Variants in PIK3CB observed in about 807,000 individuals in gnomAD.
PIK3CB encodes the protein phosphatidylinositol 4,5-bisphosphate 3-kinase catalytic subunit beta isoform.
Under a neutral mutation model 136.8 loss-of-function variants are expected in PIK3CB, and 39 were observed. The ratio of observed to expected loss-of-function variants is 0.29; its 90% confidence interval spans 0.22 to 0.37. The LOEUF (loss-of-function observed/expected upper bound fraction) is 0.37. PIK3CB is among the 10% of genes least tolerant of loss of function. The pLI is 1.00. For synonymous variants in PIK3CB, 428 were observed against 436.6 expected (o/e 0.98, Z 0.25); for missense variants, 868 against 1,275.4 (o/e 0.68, Z 4.87).
intron 2 of PIK3CB, among the ~76,000 whole-genome samples, chr3:138,788,427 C>T (rs2046005953): frequency 6.6e-6 from 1 of 151,572 alleles, no homozygotes; most frequent in African/African-American, 2.4e-5. Context: ...AAGACCGAGG[C>T]GGGCAGATCA....
chr3:138,751,436 C>T (rs994065725), intron 4 of PIK3CB, among the ~76,000 whole-genome samples: 3 of 149,322 alleles, frequency 2.0e-5, no homozygotes, highest in Non-Finnish European at 4.4e-5. Flanking sequence ...CCAGCCTGGG[C>T]GATAGAGCGA....
intron 2 of PIK3CB, among the ~76,000 whole-genome samples, chr3:138,786,427 C>T (rs1027638375): frequency 6.6e-6 from 1 of 151,952 alleles, no homozygotes; most frequent in Admixed American, 6.6e-5. Context: ...GCGATCTTGG[C>T]TCGCTGCAAT....
chr3:138,707,979 A>G (rs902076078), intron 10 of PIK3CB, among the ~76,000 whole-genome samples: 23 of 152,152 alleles, frequency 1.5e-4, no homozygotes, highest in African/African-American at 5.1e-4. Context: ...TATTTCACAG[A>G]TAAGAAACTC....
rs2043142403 is a variant in PIK3CB, at chr3:138,652,905, T to C, written c.*2484A>G. On this transcript the variant is annotated 3_prime_UTR_variant, in exon 24 of 24. Coordinates refer to ENST00000674063, the MANE Select transcript of PIK3CB (RefSeq NM_006219.3). ...ACTCACAAAAATTAAAAATTAAGAA[T>C]TTGCATTTTTAACCAGTTCTCTCTG... The C allele has an allele frequency of 4.7e-6, 1 of 213,806 alleles. No homozygotes were observed. Among genetic ancestry groups the C allele is most frequent in the East Asian group, 7.2e-5 (1 of 13,916 alleles). The allele number at this position is 213,806 out of a possible 1,614,324, so 13.2% of individuals were successfully genotyped here. A position where few individuals can be genotyped will look rare whatever the true frequency, so the allele number is the denominator to read the frequency against.
At position 138,654,319 on chromosome 3, in the gene PIK3CB, T is replaced by C. The variant is rs964423959; in HGVS notation, c.*1070A>G. On this transcript the variant is annotated 3_prime_UTR_variant, in exon 24 of 24. Coordinates refer to ENST00000674063, the MANE Select transcript of PIK3CB (RefSeq NM_006219.3). ...CCTAGCACCCTAAATATATGGTACC[T>C]CAACAAATAACTTAAAGATTTCCGT... The C allele has an allele frequency of 4.6e-6, 1 of 218,508 alleles. No individual in the cohort carries two copies. Among genetic ancestry groups the C allele is most frequent in the African/African-American group, 2.2e-5 (1 of 44,450 alleles). The allele number at this position is 218,508 out of a possible 1,614,324, so 13.5% of individuals were successfully genotyped here. A position where few individuals can be genotyped will look rare whatever the true frequency, so the allele number is the denominator to read the frequency against.
At chr3:138,683,909 T>G (rs1577069054) in intron 17 of PIK3CB, 122 bp from the exon 18 acceptor site, 1 of 638,438 alleles carries the variant, frequency 1.6e-6, no homozygotes, top group Non-Finnish European at 2.8e-6. Flanking sequence ...TGCAGAAGAG[T>G]CAGACTTAGA....
At chr3:138,829,853 C>T (rs1933944054) in intron 1 of PIK3CB, among the ~76,000 whole-genome samples, 1 of 152,062 alleles carries the variant, frequency 6.6e-6, no homozygotes, top group Non-Finnish European at 1.5e-5. Flanking sequence ...CATGCGAACC[C>T]ATTACATTGA....
chr3:138,800,434 C>A (rs2046159093), intron 1 of PIK3CB, among the ~76,000 whole-genome samples: 1 of 151,694 alleles, frequency 6.6e-6, no homozygotes, highest in Non-Finnish European at 1.5e-5. Flanking sequence ...GGGATCCTCC[C>A]ACTTCAGCCT....
At chr3:138,728,573 C>T (rs918282477) in intron 8 of PIK3CB, among the ~76,000 whole-genome samples, 1 of 151,738 alleles carries the variant, frequency 6.6e-6, no homozygotes, top group South Asian at 2.1e-4. Flanking sequence ...GTCAGGAGAT[C>T]GAGACCATCC....
Position 138,764,491 on chromosome 3 carries a change from A to G in PIK3CB, c.-16-5132T>C, listed in dbSNP as rs58089526. On this transcript the variant is annotated intron_variant, in intron 2 of 23. Coordinates refer to ENST00000674063, the MANE Select transcript of PIK3CB (RefSeq NM_006219.3). ...AATAAAATGAATTATGAGACAGGGC[A>G]TGGCAGCTCACACCTATAATCCTAG... Among the ~76,000 whole-genome samples the G allele has an allele frequency of 8.7e-3, 1,304 of 149,200 alleles. 25 individuals carry two copies. The highest frequency in any genetic ancestry group is 0.029 in the African/African-American group (1,180 of 40,362).
At chr3:138,771,290 T>G (rs1452781929) in intron 2 of PIK3CB, among the ~76,000 whole-genome samples, 1 of 150,886 alleles carries the variant, frequency 6.6e-6, no homozygotes, top group Non-Finnish European at 1.5e-5. Flanking sequence ...TGGCGCGATC[T>G]TGGCTCACTG....
chr3:138,668,971 CAA>C (rs907041524), intron 19 of PIK3CB, among the ~76,000 whole-genome samples: 1 of 152,154 alleles, frequency 6.6e-6, no homozygotes, highest in Non-Finnish European at 1.5e-5. Context: ...ACACAATGAC[CAA>C]AGTCTGAGTA....
intron 1 of PIK3CB, among the ~76,000 whole-genome samples, chr3:138,804,161 A>T (rs2046205699): frequency 6.7e-6 from 1 of 149,580 alleles, no homozygotes; most frequent in African/African-American, 2.6e-5. Context: ...TTTTAAAAAA[A>T]GAAGAAGTAA....
chr3:138,668,241 G>T (rs2043456463), intron 19 of PIK3CB, among the ~76,000 whole-genome samples: 1 of 152,140 alleles, frequency 6.6e-6, no homozygotes, highest in Admixed American at 6.5e-5. Context: ...AACACTGCCA[G>T]GTTAAAGTGC....
chr3:138,747,936 C>T (rs562061379), intron 4 of PIK3CB, among the ~76,000 whole-genome samples: 3 of 152,076 alleles, frequency 2.0e-5, no homozygotes, highest in Non-Finnish European at 4.4e-5. Flanking sequence ...TATGATTATT[C>T]CAGTAAATAA....
chr3:138,655,487 T>G lies in PIK3CB; in HGVS notation c.3115A>C (p.Lys1039Gln). The change falls in exon 24 of 24, where the codon AAA (lysine) becomes CAA (glutamine). Residue 1039 changes from lysine to glutamine, a missense_variant. By Grantham distance (53) the Lys-to-Gln change is moderately conservative. This residue lies in a region of PIK3CB where 88 missense variants were observed against 147.8 expected (regional missense o/e 0.60). Coordinates refer to ENST00000674063, the MANE Select transcript of PIK3CB (RefSeq NM_006219.3). Reference sequence around the variant, plus strand: ...TCATCAAATTTTTGCTTAAACTGTTTGAGTGCTTCTTCTTCACTCTTCCCT... The same window carrying G: ...TCATCAAATTTTTGCTTAAACTGTTGGAGTGCTTCTTCTTCACTCTTCCCT... Reference protein sequence around the residue: ...ALGKSEEEALKQFKQKFDEAL... With the variant: ...ALGKSEEEALQQFKQKFDEAL... 1 of 1,612,932 alleles carries G rather than the reference T, an allele frequency of 6.2e-7. No individual in the cohort carries two copies. Among genetic ancestry groups the G allele is most frequent in the Non-Finnish European group, 8.5e-7 (1 of 1,178,860 alleles).
chr3:138,797,821 G>T (rs2046125458), intron 1 of PIK3CB, among the ~76,000 whole-genome samples: 1 of 152,038 alleles, frequency 6.6e-6, no homozygotes, highest in African/African-American at 2.4e-5. Context: ...CAGGAGTGGA[G>T]ACATGTGCCT....
At chr3:138,698,783 T>A (rs1028585510) in intron 13 of PIK3CB, 124 bp downstream of exon 13, 1 of 542,612 alleles carries the variant, frequency 1.8e-6, no homozygotes, top group African/African-American at 1.9e-5. Flanking sequence ...GTTTAAAACC[T>A]CAAAATTTCT....
At chr3:138,833,714 T>C (rs1408269593) in intron 1 of PIK3CB, among the ~76,000 whole-genome samples, 7 of 152,224 alleles carry the variant, frequency 4.6e-5, no homozygotes, top group Admixed American at 4.6e-4. Context: ...AAAAAGAGTC[T>C]GTTTCCATAC....
Sources: gnomAD v4.1 joint callset for allele counts (sites outside exome capture counted in the v4.1 genomes callset) on GRCh38, gnomAD v4.1.1 for gene constraint, gnomAD v4.1.1 regional missense constraint, MANE v1.5 for transcripts, NCBI Gene and HGNC (gene_info 2026-07-23, HGNC 2026-07-21) for gene names.